The following MACROD2 variants were observed in gnomAD, a reference collection of about 807,000 sequenced individuals.
MACROD2 encodes ADP-ribose glycohydrolase MACROD2.
A neutral mutation model predicts 70.4 loss-of-function variants in MACROD2; 36 were observed. The observed-to-expected ratio is 0.51, with a 90% CI of 0.39 to 0.68. The LOEUF is 0.68. MACROD2 is among the 30% of genes least tolerant of loss of function. The pLI is 0.00. For synonymous variants in MACROD2, 172 were observed against 178.8 expected (o/e 0.96, Z 0.30); for missense variants, 496 against 538.4 (o/e 0.92, Z 0.78).
At chr20:14,462,708 TG>T (rs2084386929) in intron 3 of MACROD2, among the ~76,000 whole-genome samples, 1 of 152,148 alleles carries the variant, frequency 6.6e-6, no homozygotes, top group Non-Finnish European at 1.5e-5. Flanking sequence ...AATTAATTTT[TG>T]TATAAGTTGT....
rs2082981904 is a variant in MACROD2, at chr20:14,338,889, A to G, written c.272-154590A>G. Among the ~76,000 whole-genome samples, 5 of 152,226 alleles carry G rather than the reference A, an allele frequency of 3.3e-5. No homozygotes were observed. In the South Asian group the frequency reaches 1.0e-3, roughly 31 times the overall value. On this transcript the variant is annotated intron_variant, in intron 3 of 17. Transcript: ENST00000684519. ...TTTGTGCCCGTAAGTTTTCCATCAAATAAGTGTATTTCACTTGTTCATGTT... is the reference window on the plus strand; with the variant it reads ...TTTGTGCCCGTAAGTTTTCCATCAAGTAAGTGTATTTCACTTGTTCATGTT...
rs145554752 is a variant in MACROD2 at position 15,827,099 on chromosome 20, A to G, written c.646-35646A>G. On this transcript the variant is annotated intron_variant, in intron 8 of 17. Transcript: ENST00000684519. Reference sequence around the variant, plus strand: ...TCTTCCTTAGAAACTGTTTTCAAAAACTGCCATCTTCCTCACAGATATAAC... The same window carrying G: ...TCTTCCTTAGAAACTGTTTTCAAAAGCTGCCATCTTCCTCACAGATATAAC... Among the ~76,000 whole-genome samples, 36 of 152,328 alleles carry G rather than the reference A, an allele frequency of 2.4e-4. 1 individual carries two copies. The East Asian group carries it at 6.9e-3, about 29-fold the overall frequency.
chr20:14,712,447 C>T (rs768274222), intron 5 of MACROD2, among the ~76,000 whole-genome samples: 1 of 152,216 alleles, frequency 6.6e-6, no homozygotes, highest in African/African-American at 2.4e-5. Context: ...GGCTGGCATT[C>T]GTCTGTTTCT....
At chr20:14,591,026 T>C (rs2123376937) in intron 4 of MACROD2, among the ~76,000 whole-genome samples, 1 of 152,298 alleles carries the variant, frequency 6.6e-6, no homozygotes, top group Middle Eastern at 3.4e-3. Context: ...TATACGAAAC[T>C]GTATTTTTCT....
chr20:16,029,931 G>A (rs866323786), intron 15 of MACROD2, among the ~76,000 whole-genome samples: 8 of 152,298 alleles, frequency 5.3e-5, no homozygotes, highest in Middle Eastern at 3.4e-3. Flanking sequence ...GGTCTCTGGC[G>A]TGAACAAGAA....
rs576758248 is a variant in MACROD2, at chr20:16,050,196, T to C, written c.*320T>C. ...TGGCTTGATTGAACACTCACATGTG[T>C]ATCCTGGCCCCTGTCTGCTTTCTTG... On this transcript the variant is annotated 3_prime_UTR_variant, in exon 18 of 18. Coordinates refer to ENST00000684519, the MANE Select transcript of MACROD2 (RefSeq NM_001351661.2). 1 of 216,230 alleles carries C rather than the reference T, an allele frequency of 4.6e-6. No homozygotes were observed. The highest frequency in any genetic ancestry group is 1.1e-4 in the East Asian group (1 of 8,716). The allele number at this position is 216,230 out of a possible 1,614,324, so 13.4% of individuals were successfully genotyped here.
intron 8 of MACROD2, among the ~76,000 whole-genome samples, chr20:15,597,116 A>G (rs2048756209): frequency 6.6e-6 from 1 of 152,094 alleles, no homozygotes; most frequent in African/African-American, 2.4e-5. Flanking sequence ...TTGAGGACAA[A>G]CTTTTTGAAG....
chr20:15,322,632 C>T (rs2077885113), intron 6 of MACROD2, among the ~76,000 whole-genome samples: 1 of 143,936 alleles, frequency 6.9e-6, no homozygotes, highest in East Asian at 2.0e-4. Context: ...TATTTTTGGT[C>T]AAAGTAATTT....
intron 6 of MACROD2, among the ~76,000 whole-genome samples, chr20:15,345,453 A>T (rs2078155743): frequency 6.6e-6 from 1 of 152,164 alleles, no homozygotes; most frequent in Admixed American, 6.6e-5. Context: ...CATAATGGAT[A>T]TTGGGCACAC....
chr20:15,420,009 A>G (rs1333704714), intron 6 of MACROD2, among the ~76,000 whole-genome samples: 2 of 152,142 alleles, frequency 1.3e-5, no homozygotes, highest in Non-Finnish European at 2.9e-5. Flanking sequence ...TATAGATGTA[A>G]ACATTCTAGA....
intron 5 of MACROD2, among the ~76,000 whole-genome samples, chr20:15,099,587 G>A (rs1187611032): frequency 6.6e-6 from 1 of 152,132 alleles, no homozygotes; most frequent in East Asian, 1.9e-4. Context: ...TTTGGTTATA[G>A]CAGCCTGAGC....
Position 14,685,935 on chromosome 20 carries a change from G to A in MACROD2, c.418+976G>A, listed in dbSNP as rs7362405. ...TCATAACAGTGAATTTCTTGTGGAT[G>A]TGTGTGAATGGAGAATAGCGTGTTA... On this transcript the variant is annotated intron_variant, in intron 5 of 17. Coordinates refer to ENST00000684519, the MANE Select transcript of MACROD2 (RefSeq NM_001351661.2). Among the ~76,000 whole-genome samples the A allele has an allele frequency of 7.0e-3, 1,063 of 152,308 alleles. 16 individuals are homozygous for A. Among genetic ancestry groups the A allele is most frequent in the African/African-American group, 0.024 (991 of 41,570 alleles).
intron 6 of MACROD2, among the ~76,000 whole-genome samples, chr20:15,361,195 T>G (rs2078347618): frequency 6.6e-6 from 1 of 152,236 alleles, no homozygotes; most frequent in Non-Finnish European, 1.5e-5. Context: ...GTTTTATATT[T>G]TATACTTAAA....
intron 8 of MACROD2, among the ~76,000 whole-genome samples, chr20:15,799,614 A>C (rs531157245): frequency 1.3e-5 from 2 of 152,336 alleles, no homozygotes; most frequent in Admixed American, 1.3e-4. Context: ...TCTTGCAAAT[A>C]ACAGAATTTC....
intron 6 of MACROD2, among the ~76,000 whole-genome samples, chr20:15,418,086 T>C (rs1173479253): frequency 6.6e-6 from 1 of 152,226 alleles, no homozygotes; most frequent in Admixed American, 6.5e-5. Context: ...TCTGAGCTTT[T>C]CTTCTTAACC....
chr20:14,179,840 T>A (rs2081292409), intron 3 of MACROD2, among the ~76,000 whole-genome samples: 2 of 152,154 alleles, frequency 1.3e-5, no homozygotes, highest in Admixed American at 1.3e-4. Context: ...TCTGACAAGA[T>A]GGGATGCTCA....
chr20:14,517,946 GA>G (rs1297446679), intron 4 of MACROD2, among the ~76,000 whole-genome samples: 2 of 151,778 alleles, frequency 1.3e-5, no homozygotes, highest in African/African-American at 2.4e-5. Context: ...AATGTTTGGT[GA>G]AAAAAGTACT....
chr20:14,757,302 A>G (rs1346768743), intron 5 of MACROD2, among the ~76,000 whole-genome samples: 1 of 152,150 alleles, frequency 6.6e-6, no homozygotes. Flanking sequence ...TTAAAATCTT[A>G]ATTATTATAT....
intron 3 of MACROD2, among the ~76,000 whole-genome samples, chr20:14,160,039 T>A (rs1841283121): frequency 1.3e-5 from 2 of 152,224 alleles, no homozygotes; most frequent in African/African-American, 4.8e-5. Context: ...GATTTGTATA[T>A]GTTGAACTAT....
Sources: allele counts gnomAD v4.1 joint callset (sites outside exome capture counted in the v4.1 genomes callset), GRCh38; gene constraint gnomAD v4.1.1; transcripts MANE v1.5; gene names NCBI Gene and HGNC (gene_info 2026-07-23, HGNC 2026-07-21).